ABLIM2: variants seen among roughly 807,000 people sequenced by gnomAD.
The protein encoded by ABLIM2 is actin binding LIM protein family member 2.
In ABLIM2, 53 loss-of-function variants were observed where a neutral mutation model predicts 97.7. The observed-to-expected ratio is 0.54, with a 90% CI of 0.44 to 0.68. The LOEUF (loss-of-function observed/expected upper bound fraction) is 0.68. Among genes scored for constraint, ABLIM2 ranks in the 30% least tolerant of loss-of-function variants. ABLIM2 has a pLI of 0.00. For missense variants in ABLIM2, 835 were observed against 867.2 expected (o/e 0.96, Z 0.47); for synonymous variants, 361 against 345.8 (o/e 1.04, Z -0.49).
chr4:8,054,584 G>A lies in ABLIM2; in HGVS notation c.764-338C>T, dbSNP rs1005331485. Reference sequence around the variant, plus strand: ...CTGGAAGATTCTTCTCTGAGGAGGGGGTATTTGAAGGGGTTTCAAGTCCCT... The same window carrying A: ...CTGGAAGATTCTTCTCTGAGGAGGGAGTATTTGAAGGGGTTTCAAGTCCCT... On this transcript the variant is annotated intron_variant, in intron 7 of 20. Transcript: ENST00000447017. This position sits in a 1 kb window ranked among gnomAD's most constrained non-coding sequence, Gnocchi z 4.9. Among the ~76,000 whole-genome samples the A allele has an allele frequency of 6.6e-6, 1 of 152,200 alleles. No individual in the cohort carries two copies. The highest frequency in any genetic ancestry group is 6.5e-5 in the Admixed American group (1 of 15,290).
At chr4:8,121,612 G>A (rs1845498786) in intron 1 of ABLIM2, among the ~76,000 whole-genome samples, 1 of 152,174 alleles carries the variant, frequency 6.6e-6, no homozygotes, top group Non-Finnish European at 1.5e-5. Context: ...CAAGGCTCGG[G>A]TCTGCAGGCT....
chr4:7,984,050 G>C (rs1251537440), intron 18 of ABLIM2, among the ~76,000 whole-genome samples: 1 of 152,182 alleles, frequency 6.6e-6, no homozygotes, highest in African/African-American at 2.4e-5. Context: ...CTTACTTCCA[G>C]ACTGAAAGCG....
At position 8,128,565 on chromosome 4, in the gene ABLIM2, T is replaced by G. The variant is rs545909623; in HGVS notation, c.11-21928A>C. On this transcript the variant is annotated intron_variant, in intron 1 of 20. Coordinates refer to ENST00000447017, the MANE Select transcript of ABLIM2 (RefSeq NM_001130083.2). The surrounding 1 kb of genome is among the most constrained non-coding windows in gnomAD (Gnocchi z 4.9). ...GTACTCCCAGGCTCTAAAACACGAATGCACTAAACCTCCAGTGACCTTGCA... is the reference window on the plus strand; with the variant it reads ...GTACTCCCAGGCTCTAAAACACGAAGGCACTAAACCTCCAGTGACCTTGCA... Among the ~76,000 whole-genome samples the G allele has an allele frequency of 3.1e-4, 47 of 152,352 alleles. No homozygotes were observed. The highest frequency in any genetic ancestry group is 1.1e-3 in the African/African-American group (45 of 41,582).
intron 4 of ABLIM2, 38 bp downstream of exon 4, chr4:8,088,131 G>A (rs1825009118): frequency 7.4e-7 from 1 of 1,357,200 alleles, no homozygotes; most frequent in Non-Finnish European, 9.7e-7. Context: ...CACTCAGCAT[G>A]CCCCCACTCA....
chr4:8,066,330 A>G (rs1405929180), intron 6 of ABLIM2, among the ~76,000 whole-genome samples: 2 of 134,902 alleles, frequency 1.5e-5, no homozygotes, highest in Non-Finnish European at 3.2e-5. Context: ...AAGAAAAAAG[A>G]AAGGAGGGAG....
Position 7,992,415 on chromosome 4 carries a change from TC to T in ABLIM2, c.1680+450del, listed in dbSNP as rs1167268503. On this transcript the variant is annotated intron_variant, in intron 17 of 20. Transcript: ENST00000447017. This position sits in a 1 kb window ranked among gnomAD's most constrained non-coding sequence, Gnocchi z 5.7. Reference sequence around the variant, plus strand: ...CTTGGACGCTAAGGATTATTTGGTGTCATCACGGTAACAGTAATAGCAGGGA... The same window carrying T: ...CTTGGACGCTAAGGATTATTTGGTGTATCACGGTAACAGTAATAGCAGGGA... 8.5e-5 allele frequency among the ~76,000 whole-genome samples: 13 copies of T among 152,182 alleles called. No homozygotes were observed. Among genetic ancestry groups the T allele is most frequent in the African/African-American group, 3.1e-4 (13 of 41,456 alleles).
chr4:8,105,275 C>A (rs915767557), intron 2 of ABLIM2, among the ~76,000 whole-genome samples: 3 of 152,208 alleles, frequency 2.0e-5, no homozygotes, highest in African/African-American at 4.8e-5. Flanking sequence ...GGCATCCCCC[C>A]CTACACACAT....
intron 20 of ABLIM2, among the ~76,000 whole-genome samples, chr4:7,971,350 C>T (rs182229440): frequency 5.3e-5 from 8 of 152,096 alleles, no homozygotes; most frequent in Admixed American, 5.2e-4. Context: ...CCCCAGGGCC[C>T]GCGCAGGACA....
rs1453124812 is a variant in ABLIM2 at position 7,970,567 on chromosome 4, T to C, written c.1825-3464A>G. ...GGATGACACCATGTGCTCCAGGCTG[T>C]GGGAGCCTCTGGGGAGGGCGATTCG... On this transcript the variant is annotated intron_variant, in intron 20 of 20. Transcript: ENST00000447017. The surrounding 1 kb of genome is among the most constrained non-coding windows in gnomAD (Gnocchi z 5.3). 6.6e-6 allele frequency among the ~76,000 whole-genome samples: 1 copy of C among 151,322 alleles called. No homozygotes were observed. The highest frequency in any genetic ancestry group is 1.5e-5 in the Non-Finnish European group (1 of 67,864).
chr4:8,077,698 G>C lies in ABLIM2; in HGVS notation c.605C>G (p.Ala202Gly). The C allele has an allele frequency of 1.2e-6, 2 of 1,612,848 alleles. No individual in the cohort carries two copies. Among genetic ancestry groups the C allele is most frequent in the Non-Finnish European group, 1.7e-6 (2 of 1,179,380 alleles). The change falls in exon 6 of 21, where the codon GCT (alanine) becomes GGT (glycine). Residue 202 changes from alanine to glycine, a missense_variant. Ala to Gly is a moderately conservative substitution (Grantham distance 60, BLOSUM62 0). Coordinates refer to ENST00000447017, the MANE Select transcript of ABLIM2 (RefSeq NM_001130083.2). ...ISKDGLPYCE[A>G]DYHAKFGIRC... ...GATGCCGAACTTGGCGTGATAGTCA[G>C]CTTCGCAGTAGGGCAGCCCATCCCT...
intron 1 of ABLIM2, among the ~76,000 whole-genome samples, chr4:8,154,546 C>T (rs559437261): frequency 2.0e-4 from 30 of 152,314 alleles, no homozygotes; most frequent in African/African-American, 7.2e-4. Flanking sequence ...TCCCAAAGTG[C>T]TGGGATTACA....
rs1460817173 is a variant in ABLIM2 at position 8,044,688 on chromosome 4, T to G, written c.900+476A>C. 1.4e-4 allele frequency among the ~76,000 whole-genome samples: 21 copies of G among 151,166 alleles called. No individual in the cohort carries two copies. The highest frequency in any genetic ancestry group is 1.4e-3 in the East Asian group (7 of 5,148). On this transcript the variant is annotated intron_variant, in intron 9 of 20. Coordinates refer to ENST00000447017, the MANE Select transcript of ABLIM2 (RefSeq NM_001130083.2). The surrounding 1 kb of genome is among the most constrained non-coding windows in gnomAD (Gnocchi z 4.4). ...CACAGAGTCTCTCTCTCTCTCTCTC[T>G]CTCGAACGAACGAAAACGGGATCAC...
In ABLIM2 at chr4:8,044,186, C is replaced by T. The variant is rs185722083; in HGVS notation, c.900+978G>A. Among the ~76,000 whole-genome samples the T allele has an allele frequency of 1.4e-3, 210 of 152,306 alleles. No individual in the cohort carries two copies. Among genetic ancestry groups the T allele is most frequent in the African/African-American group, 4.9e-3 (203 of 41,552 alleles). On this transcript the variant is annotated intron_variant, in intron 9 of 20. Transcript: ENST00000447017. This position sits in a 1 kb window ranked among gnomAD's most constrained non-coding sequence, Gnocchi z 4.4. ...CTGGAGCCTAGAAACCCAGTGGATC[C>T]AGCCTCCGCTGAGGCATGAAGAACC...
At position 8,109,057 on chromosome 4, in the gene ABLIM2, C is replaced by T. The variant is rs574042083; in HGVS notation, c.11-2420G>A. 1.3e-4 allele frequency among the ~76,000 whole-genome samples: 20 copies of T among 152,344 alleles called. No individual in the cohort carries two copies. The South Asian group carries it at 1.5e-3, about 11-fold the overall frequency. ...CACTGGGGCCGTCCAGGAAACCCCG[C>T]GTAGCATGTCCCAGCTCATCCCGTG... On this transcript the variant is annotated intron_variant, in intron 1 of 20. Transcript: ENST00000447017.
rs1331133586 is a variant in ABLIM2 at position 7,986,551 on chromosome 4, C to A, written c.1681-1658G>T. 6.6e-6 allele frequency among the ~76,000 whole-genome samples: 1 copy of A among 152,238 alleles called. No individual in the cohort carries two copies. Among genetic ancestry groups the A allele is most frequent in the Non-Finnish European group, 1.5e-5 (1 of 68,044 alleles). Reference sequence around the variant, plus strand: ...AACTATTGCATTAAACTTATCCTGACTGCATTTTCTTCTTTAGTGCCTTGC... The same window carrying A: ...AACTATTGCATTAAACTTATCCTGAATGCATTTTCTTCTTTAGTGCCTTGC... On this transcript the variant is annotated intron_variant, in intron 17 of 20. Transcript: ENST00000447017. This position sits in a 1 kb window ranked among gnomAD's most constrained non-coding sequence, Gnocchi z 4.3.
chr4:7,976,716 C>T (rs967510429), intron 20 of ABLIM2, among the ~76,000 whole-genome samples: 1 of 151,986 alleles, frequency 6.6e-6, no homozygotes, highest in African/African-American at 2.4e-5. Context: ...CACGTATATC[C>T]ATATGCATAC....
At chr4:8,143,159 T>TTGGGGGGG (rs58979220) in intron 1 of ABLIM2, among the ~76,000 whole-genome samples, 2 of 61,398 alleles carry the variant, frequency 3.3e-5, no homozygotes, top group Admixed American at 1.5e-4. Flanking sequence ...GGGGCGAGAG[T>TTGGGGGGG]GGGGGGGGGG....
At chr4:8,000,073 G>T (rs918797574) in intron 16 of ABLIM2, among the ~76,000 whole-genome samples, 1 of 152,118 alleles carries the variant, frequency 6.6e-6, no homozygotes, top group Non-Finnish European at 1.5e-5. Context: ...CTGGGTGCAC[G>T]GGCAGGAGGC....
chr4:8,149,071 G>A lies in ABLIM2; in HGVS notation c.10+9609C>T, dbSNP rs1416506401. Among the ~76,000 whole-genome samples, 1 of 152,178 alleles carries A rather than the reference G, an allele frequency of 6.6e-6. No individual in the cohort carries two copies. Among genetic ancestry groups the A allele is most frequent in the East Asian group, 1.9e-4 (1 of 5,176 alleles). ...AGAGTGTGAAGGGGTCTGTAGGGCT[G>A]GGGCCATCTGGAGGCTCCGGGGGAG... On this transcript the variant is annotated intron_variant, in intron 1 of 20. Coordinates refer to ENST00000447017, the MANE Select transcript of ABLIM2 (RefSeq NM_001130083.2). The surrounding 1 kb of genome is among the most constrained non-coding windows in gnomAD (Gnocchi z 6.4).
Sources: gnomAD v4.1 joint callset for allele counts (sites outside exome capture counted in the v4.1 genomes callset) on GRCh38, gnomAD v4.1.1 for gene constraint, Gnocchi (gnomAD v3.1) non-coding constraint, MANE v1.5 for transcripts, NCBI Gene and HGNC (gene_info 2026-07-23, HGNC 2026-07-21) for gene names.